LANCL2: variants seen among roughly 807,000 people sequenced by gnomAD.
LANCL2 encodes the protein lanC-like protein 2.
LANCL2 carries 33 observed loss-of-function variants against 56.9 expected under a neutral mutation model. The ratio of observed to expected loss-of-function variants is 0.58; its 90% CI spans 0.44 to 0.78. The LOEUF is 0.78. Among genes scored for constraint, LANCL2 ranks in the 30% least tolerant of loss-of-function variants. The pLI, the probability that LANCL2 is intolerant of heterozygous loss-of-function variation, is 0.00. For missense variants in LANCL2, 562 were observed against 580.2 expected (o/e 0.97, Z 0.32); for synonymous variants, 233 against 228.2 (o/e 1.02, Z -0.19).
intron 1 of LANCL2, among the ~76,000 whole-genome samples, chr7:55,367,677 A>G (rs769622283): frequency 2.0e-5 from 3 of 152,192 alleles, no homozygotes; most frequent in Non-Finnish European, 4.4e-5. Context: ...GTGAGTGGAG[A>G]TTGCGCCATT....
intron 1 of LANCL2, among the ~76,000 whole-genome samples, chr7:55,386,242 G>A (rs573416939): frequency 6.6e-6 from 1 of 152,302 alleles, no homozygotes; most frequent in East Asian, 1.9e-4. Context: ...GAAATCACAA[G>A]GATATTGATT....
intron 1 of LANCL2, among the ~76,000 whole-genome samples, chr7:55,388,702 C>T (rs1427851919): frequency 2.6e-5 from 4 of 152,188 alleles, no homozygotes; most frequent in African/African-American, 7.2e-5. Context: ...TGGTATAGGA[C>T]GAATTTTTCC....
At chr7:55,376,064 A>G (rs940325197) in intron 1 of LANCL2, among the ~76,000 whole-genome samples, 1 of 151,792 alleles carries the variant, frequency 6.6e-6, no homozygotes, top group Non-Finnish European at 1.5e-5. Context: ...TCCTCTCCCT[A>G]TTTTGTGGTC....
At chr7:55,405,380 A>G (rs922076632) in intron 5 of LANCL2, among the ~76,000 whole-genome samples, 1 of 152,192 alleles carries the variant, frequency 6.6e-6, no homozygotes, top group African/African-American at 2.4e-5. Flanking sequence ...CTCAACTGGA[A>G]ACACCTTTAG....
In LANCL2 at chr7:55,366,054, A is replaced by G; in HGVS notation, c.29A>G (p.Lys10Arg). 6.6e-7 allele frequency: 1 copy of G among 1,519,804 alleles called. No homozygotes were observed. The highest frequency in any genetic ancestry group is 8.9e-7 in the Non-Finnish European group (1 of 1,129,260). The allele number at this position is 1,519,804 out of a possible 1,614,324, so 94.1% of individuals were successfully genotyped here. A position where few individuals can be genotyped will look rare whatever the true frequency, so the allele number is the denominator to read the frequency against. MGETMSKRL[K>R]LHLGGEAEME... ...GGCGAGACCATGTCAAAGAGGCTGA[A>G]GCTCCACCTGGGAGGGGAGGCAGAA... The change falls in exon 1 of 9, where the codon AAG becomes AGG. Residue 10 changes from lysine (K) to arginine (R), a missense_variant. By Grantham distance (26) the Lys-to-Arg change is conservative. This residue lies in a region of LANCL2 where 184 missense variants were observed against 111.8 expected (regional missense o/e 1.65). Coordinates refer to ENST00000254770, the MANE Select transcript of LANCL2 (RefSeq NM_018697.4).
chr7:55,395,860 C>T (rs143550469), intron 2 of LANCL2, among the ~76,000 whole-genome samples: 120 of 152,272 alleles, frequency 7.9e-4, no homozygotes, highest in Non-Finnish European at 1.3e-3. Flanking sequence ...TTCTGAGAAA[C>T]GCATCATTGA....
rs776142784 is a variant in LANCL2 at position 55,366,200 on chromosome 7, C to T, written c.175C>T (p.Pro59Ser). Residue 59 changes from proline to serine, a missense_variant, in exon 1 of 9, where the codon CCC (proline) becomes TCC (serine). By Grantham distance (74) the Pro-to-Ser change is moderately conservative (BLOSUM62 -1). Transcript: ENST00000254770. ...TCGTCCCCCGGCGACCACGGATGAG[C>T]CCGGCCTCCCTTTTCATCAGGACGG... ...CVRPPATTDE[P>S]GLPFHQDGKI... 1 of 1,542,048 alleles carries T rather than the reference C, an allele frequency of 6.5e-7. No individual in the cohort carries two copies. The highest frequency in any genetic ancestry group is 8.8e-7 in the Non-Finnish European group (1 of 1,140,716).
At chr7:55,376,113 A>G (rs1336815909) in intron 1 of LANCL2, among the ~76,000 whole-genome samples, 1 of 152,102 alleles carries the variant, frequency 6.6e-6, no homozygotes, top group African/African-American at 2.4e-5. Flanking sequence ...TTTGGGGGCC[A>G]TTCTGCCTAC....
intron 7 of LANCL2, 89 bp downstream of exon 7, chr7:55,425,519 T>C: frequency 8.1e-7 from 1 of 1,233,140 alleles, no homozygotes; most frequent in East Asian, 2.3e-5. Flanking sequence ...GTTCCTTCTT[T>C]TAACCTGTTT....
At chr7:55,375,883 C>T (rs775308534) in intron 1 of LANCL2, among the ~76,000 whole-genome samples, 16 of 152,182 alleles carry the variant, frequency 1.1e-4, no homozygotes, top group Non-Finnish European at 2.1e-4. Context: ...CCACCTGAGC[C>T]CTGCCCATGC....
chr7:55,376,671 C>T (rs913329464), intron 1 of LANCL2, among the ~76,000 whole-genome samples: 4 of 152,196 alleles, frequency 2.6e-5, no homozygotes, highest in African/African-American at 4.8e-5. Context: ...AGATTGTCTT[C>T]GGATATCAGT....
chr7:55,430,581 A>G (rs1790716756), intron 8 of LANCL2, among the ~76,000 whole-genome samples: 1 of 152,256 alleles, frequency 6.6e-6, no homozygotes, highest in Non-Finnish European at 1.5e-5. Context: ...CAAACCTCAG[A>G]GAAGTACATT....
chr7:55,414,994 AAAAAAAAG>A (rs1343393874), intron 6 of LANCL2, among the ~76,000 whole-genome samples: 4 of 146,342 alleles, frequency 2.7e-5, no homozygotes, highest in South Asian at 4.3e-4. Context: ...AAAAAAAAAA[AAAAAAAAG>A]AAAAGAAAAG....
Position 55,399,227 on chromosome 7 carries a change from C to T in LANCL2, c.530+597C>T, listed in dbSNP as rs186117900. Among the ~76,000 whole-genome samples the T allele has an allele frequency of 3.6e-3, 543 of 151,824 alleles. 1 individual carries two copies. Among genetic ancestry groups the T allele is most frequent in the Non-Finnish European group, 6.3e-3 (425 of 67,958 alleles). On this transcript the variant is annotated intron_variant, in intron 3 of 8. Coordinates refer to ENST00000254770, the MANE Select transcript of LANCL2 (RefSeq NM_018697.4). ...GTTCAAGGCTGCGGTGAGCCATCAT[C>T]CTGTCACTGCACACCAGCCAGGGCA...
intron 1 of LANCL2, 94 bp downstream of exon 1, chr7:55,366,323 C>T (rs1789867470): frequency 1.7e-6 from 2 of 1,176,888 alleles, no homozygotes; most frequent in East Asian, 3.1e-5. Context: ...AGGCGCGCGC[C>T]GGGCTTGGGA....
At chr7:55,367,871 A>G (rs1307352942) in intron 1 of LANCL2, among the ~76,000 whole-genome samples, 1 of 152,244 alleles carries the variant, frequency 6.6e-6, no homozygotes, top group Non-Finnish European at 1.5e-5. Flanking sequence ...CTTCCCCTTG[A>G]TGATTTAAGT....
chr7:55,379,455 T>A (rs1461111595), intron 1 of LANCL2, among the ~76,000 whole-genome samples: 1 of 152,126 alleles, frequency 6.6e-6, no homozygotes, highest in Non-Finnish European at 1.5e-5. Context: ...GCCTGGAAAA[T>A]CAAGTGTCTC....
In LANCL2 at chr7:55,366,062, C is replaced by A; in HGVS notation, c.37C>A (p.Leu13Met). 2 of 1,526,044 alleles carry A rather than the reference C, an allele frequency of 1.3e-6. No homozygotes were observed. Among genetic ancestry groups the A allele is most frequent in the Admixed American group, 2.0e-5 (1 of 48,976 alleles). 94.5% of individuals were successfully genotyped at this position (1,526,044 alleles called of 1,614,324 possible). The change falls in exon 1 of 9, where the codon CTG becomes ATG. Residue 13 changes from leucine to methionine, a missense_variant. Around this residue, in one of 2 missense-constraint regions of LANCL2, gnomAD observed 184 missense variants for 111.8 expected, o/e 1.65. Transcript: ENST00000254770. ...CATGTCAAAGAGGCTGAAGCTCCAC[C>A]TGGGAGGGGAGGCAGAAATGGAGGA... Reference protein sequence around the residue: ...ETMSKRLKLHLGGEAEMEERA... With the variant: ...ETMSKRLKLHMGGEAEMEERA...
At chr7:55,428,316 T>G (rs1790688203) in intron 7 of LANCL2, 59 bp from the exon 8 acceptor site, 11 of 1,446,122 alleles carry the variant, frequency 7.6e-6, no homozygotes, top group Middle Eastern at 3.5e-4. Context: ...GCATTCTCAT[T>G]TATTGCCTTT....
Sources: gnomAD v4.1 joint callset for allele counts (sites outside exome capture counted in the v4.1 genomes callset) on GRCh38, gnomAD v4.1.1 for gene constraint, gnomAD v4.1.1 regional missense constraint, MANE v1.5 for transcripts, NCBI Gene and HGNC (gene_info 2026-07-23, HGNC 2026-07-21) for gene names.